RUSF1: variants seen among roughly 807,000 people sequenced by gnomAD.
The protein encoded by RUSF1 is RUS1 family protein C16orf58.
Under a neutral mutation model 63.0 loss-of-function variants are expected in RUSF1, and 58 were observed. The ratio of observed to expected loss-of-function variants is 0.92; its 90% CI spans 0.75 to 1.15. The LOEUF is 1.15. Among genes scored for constraint, RUSF1 ranks in the 50% most tolerant of loss-of-function variants. The pLI is 0.00. For synonymous variants in RUSF1, 274 were observed against 255.8 expected, an observed-to-expected ratio of 1.07 and a Z score of -0.68; for missense variants, 652 against 611.0, an observed-to-expected ratio of 1.07 and a Z score of -0.71.
chr16:31,490,354 G>A lies in RUSF1; in HGVS notation c.*481C>T. The stretch of plus-strand genomic sequence containing the variant: ...AGCCTCTTCCGCCAGTGCCTGCTCT[G>A]GTTTTGTGGAATGAGCAGAGGTGGG... On this transcript the variant is annotated 3_prime_UTR_variant, in exon 13 of 13. Coordinates refer to ENST00000327237, the MANE Select transcript of RUSF1 (RefSeq NM_022744.4). The A allele has an allele frequency of 6.2e-7, 1 of 1,613,060 alleles. No individual in the cohort carries two copies. The highest frequency in any genetic ancestry group is 2.2e-5 in the East Asian group (1 of 44,864).
In RUSF1 at chr16:31,502,881, C is replaced by T. The variant is rs563866686; in HGVS notation, c.416-2150G>A. Among the ~76,000 whole-genome samples, 19 of 152,382 alleles carry T rather than the reference C, an allele frequency of 1.2e-4. No individual in the cohort carries two copies. The South Asian group carries it at 3.7e-3, about 30-fold the overall frequency. On this transcript the variant is annotated intron_variant, in intron 2 of 12. Coordinates refer to ENST00000327237, the MANE Select transcript of RUSF1 (RefSeq NM_022744.4). ...CTGACCTCAGGTGATCCACCCGCCT[C>T]GGCCTTCCGAAGTGTTGGGATTATA...
At chr16:31,507,272 G>A (rs1283117971) in intron 2 of RUSF1, among the ~76,000 whole-genome samples, 5 of 152,096 alleles carry the variant, frequency 3.3e-5, no homozygotes, top group African/African-American at 1.2e-4. Context: ...TTTTTTAAAA[G>A]CTGTACATAT....
In RUSF1 at chr16:31,492,191, A is replaced by G; in HGVS notation, c.1231+6T>C. 1 of 1,610,048 alleles carries G rather than the reference A, an allele frequency of 6.2e-7. No individual in the cohort carries two copies. Among genetic ancestry groups the G allele is most frequent in the Non-Finnish European group, 8.5e-7 (1 of 1,177,378 alleles). On this transcript the variant is annotated splice_donor_region_variant and intron_variant, in intron 11 of 12. Coordinates refer to ENST00000327237, the MANE Select transcript of RUSF1 (RefSeq NM_022744.4). ...GCATCAGCAGTCTAAATCTTGAGGC[A>G]CTTACCTGCCCGCACCCGGTTCCTC...
rs2082672456 is a variant in RUSF1, at chr16:31,508,197, T to C, written c.177A>G (p.Glu59=). ...TVKPEGRDAG[E]VGASGAPSPP... The stretch of plus-strand genomic sequence containing the variant: ...GTGAGGGGGCCCCGGAAGCCCCCAC[T>C]TCGCCCGCATCTCGTCCTTCAGGTT... Residue 59 remains glutamate (E), a synonymous_variant, in exon 1 of 13, where the codon GAA becomes GAG. Transcript: ENST00000327237. 2 of 1,566,108 alleles carry C rather than the reference T, an allele frequency of 1.3e-6. No individual in the cohort carries two copies. Among genetic ancestry groups the C allele is most frequent in the Non-Finnish European group, 8.6e-7 (1 of 1,156,212 alleles).
At chr16:31,507,030 A>C (rs1231210947) in intron 2 of RUSF1, among the ~76,000 whole-genome samples, 2 of 152,240 alleles carry the variant, frequency 1.3e-5, no homozygotes, top group African/African-American at 4.8e-5. Context: ...AGGTTGGCTC[A>C]AATGTAATTG....
rs776678790 is a variant in RUSF1, at chr16:31,508,142, G to A, written c.232C>T (p.Leu78=). The change falls in exon 1 of 13, where the codon CTG becomes TTG. Residue 78 remains leucine, a synonymous_variant. Transcript: ENST00000327237. ...ACGCTATCAGGGAAGCCCTGAGGCA[G>A]GAACACGGCCTGGAGCCCGGAGAGG... ...PPLSGLQAVF[L]PQGFPDSVSP... 3 of 1,596,740 alleles carry A rather than the reference G, an allele frequency of 1.9e-6. No individual in the cohort carries two copies. Among genetic ancestry groups the A allele is most frequent in the Non-Finnish European group, 1.7e-6 (2 of 1,172,478 alleles).
chr16:31,489,925 A>G lies in RUSF1; in HGVS notation c.*910T>C. 1 of 780,998 alleles carries G rather than the reference A, an allele frequency of 1.3e-6. No individual in the cohort carries two copies. The allele number at this position is 780,998 out of a possible 1,614,324, so 48.4% of individuals were successfully genotyped here. On this transcript the variant is annotated 3_prime_UTR_variant, in exon 13 of 13. Transcript: ENST00000327237. ...ACACAAGCTCAGGGGCTTGGGGTTTATCCCGAGGGCACAGGGCAGCCATGT... is the reference window on the plus strand; with the variant it reads ...ACACAAGCTCAGGGGCTTGGGGTTTGTCCCGAGGGCACAGGGCAGCCATGT...
chr16:31,499,938 A>G (rs185227766), intron 3 of RUSF1, among the ~76,000 whole-genome samples: 2 of 152,220 alleles, frequency 1.3e-5, no homozygotes, highest in East Asian at 3.9e-4. Context: ...CCTGCATGTT[A>G]CAGACAACTA....
chr16:31,489,683 A>C lies in RUSF1; in HGVS notation c.*1152T>G, dbSNP rs1596622150. 1 of 470,954 alleles carries C rather than the reference A, an allele frequency of 2.1e-6. No individual in the cohort carries two copies. The highest frequency in any genetic ancestry group is 4.3e-5 in the East Asian group (1 of 23,378). 29.2% of individuals were successfully genotyped at this position (470,954 alleles called of 1,614,324 possible). On this transcript the variant is annotated 3_prime_UTR_variant, in exon 13 of 13. Coordinates refer to ENST00000327237, the MANE Select transcript of RUSF1 (RefSeq NM_022744.4). ...TTGTTGCCAAAGGGCAGGTGGCTCC[A>C]GGCAGGGCTGATGGTGGCAGGGTGG...
chr16:31,499,354 G>A lies in RUSF1; in HGVS notation c.548C>T (p.Pro183Leu). The change falls in exon 5 of 13, where the codon CCT becomes CTT. Residue 183 changes from proline (P) to leucine (L), a missense_variant. By Grantham distance (98) the Pro-to-Leu change is moderately conservative (BLOSUM62 -3). Transcript: ENST00000327237. ...CATGGTGAAACAGATTGGGTATACAGGAGCCATAATCTCAAGGAACATGGC... is the reference window on the plus strand; with the variant it reads ...CATGGTGAAACAGATTGGGTATACAAGAGCCATAATCTCAAGGAACATGGC... ...DVAMFLEIMA[P>L]VYPICFTMTV... is the part of the protein sequence containing the mutation. 1 of 1,613,982 alleles carries A rather than the reference G, an allele frequency of 6.2e-7. No homozygotes were observed. Among genetic ancestry groups the A allele is most frequent in the Non-Finnish European group, 8.5e-7 (1 of 1,179,886 alleles).
intron 2 of RUSF1, among the ~76,000 whole-genome samples, chr16:31,501,546 A>G (rs947307168): frequency 6.6e-5 from 10 of 151,308 alleles, no homozygotes; most frequent in African/African-American, 1.7e-4. Flanking sequence ...GTGAGCTATG[A>G]TCATGTCACT....
chr16:31,508,101 C>A lies in RUSF1; in HGVS notation c.273G>T (p.Leu91Phe). 6.2e-7 allele frequency: 1 copy of A among 1,605,676 alleles called. No homozygotes were observed. Among genetic ancestry groups the A allele is most frequent in the Non-Finnish European group, 8.5e-7 (1 of 1,176,596 alleles). The change falls in exon 1 of 13, where the codon TTG becomes TTT. Residue 91 changes from leucine to phenylalanine, a missense_variant. Coordinates refer to ENST00000327237, the MANE Select transcript of RUSF1 (RefSeq NM_022744.4). ...GFPDSVSPDY[L>F]PYQLWDSVQA... is the part of the protein sequence containing the mutation. Reference sequence around the variant, plus strand: ...GCACGGAATCCCACAGCTGGTAGGGCAAGTAGTCCGGGCTGACGCTATCAG... The same window carrying A: ...GCACGGAATCCCACAGCTGGTAGGGAAAGTAGTCCGGGCTGACGCTATCAG...
intron 2 of RUSF1, among the ~76,000 whole-genome samples, chr16:31,503,482 T>C (rs529538436): frequency 1.3e-5 from 2 of 152,304 alleles, no homozygotes; most frequent in Admixed American, 6.5e-5. Flanking sequence ...CAAGTTTTAT[T>C]ACTATTGCTA....
chr16:31,490,385 C>A lies in RUSF1; in HGVS notation c.*450G>T. On this transcript the variant is annotated 3_prime_UTR_variant, in exon 13 of 13. Transcript: ENST00000327237. ...GTGGAATGAGCAGAGGTGGGGTGGGCAGTCCTCCGCCCCTTACCCAGGAGG... is the reference window on the plus strand; with the variant it reads ...GTGGAATGAGCAGAGGTGGGGTGGGAAGTCCTCCGCCCCTTACCCAGGAGG... 1 of 1,613,144 alleles carries A rather than the reference C, an allele frequency of 6.2e-7. No homozygotes were observed. Among genetic ancestry groups the A allele is most frequent in the African/African-American group, 1.3e-5 (1 of 75,056 alleles).
intron 12 of RUSF1, among the ~76,000 whole-genome samples, chr16:31,491,300 A>C (rs1327627325): frequency 1.3e-5 from 2 of 151,986 alleles, no homozygotes; most frequent in African/African-American, 4.8e-5. Flanking sequence ...ACTGAGTCCC[A>C]AACTTAGGAT....
At position 31,489,757 on chromosome 16, in the gene RUSF1, T is replaced by TGCA; in HGVS notation, c.*1075_*1077dup. On this transcript the variant is annotated 3_prime_UTR_variant, in exon 13 of 13. Coordinates refer to ENST00000327237, the MANE Select transcript of RUSF1 (RefSeq NM_022744.4). ...GGGTGTGGAAGGATGGCCGGGTTTCTGCAGCAGCAGGAGGAAAGGGTGGGA... is the reference window on the plus strand; with the variant it reads ...GGGTGTGGAAGGATGGCCGGGTTTCTGCAGCAGCAGCAGGAGGAAAGGGTGGGA... 2.2e-6 allele frequency: 1 copy of TGCA among 445,250 alleles called. No individual in the cohort carries two copies. Among genetic ancestry groups the TGCA allele is most frequent in the South Asian group, 2.1e-5 (1 of 47,910 alleles). 27.6% of individuals were successfully genotyped at this position (445,250 alleles called of 1,614,324 possible). A position where few individuals can be genotyped will look rare whatever the true frequency, so the allele number is the denominator to read the frequency against.
chr16:31,501,825 G>C (rs1296264862), intron 2 of RUSF1, among the ~76,000 whole-genome samples: 1 of 152,114 alleles, frequency 6.6e-6, no homozygotes, highest in Non-Finnish European at 1.5e-5. Flanking sequence ...AATCAGTATA[G>C]AAAACACTGA....
At chr16:31,495,389 T>A (rs2082596810) in intron 6 of RUSF1, among the ~76,000 whole-genome samples, 1 of 152,140 alleles carries the variant, frequency 6.6e-6, no homozygotes, top group African/African-American at 2.4e-5. Flanking sequence ...GGAGCTCCTC[T>A]CTCCCAGGTG....
At chr16:31,495,335 G>A (rs2082596380) in intron 6 of RUSF1, among the ~76,000 whole-genome samples, 1 of 152,204 alleles carries the variant, frequency 6.6e-6, no homozygotes, top group African/African-American at 2.4e-5. Context: ...AATAAACGCT[G>A]TGGGTGTGGC....
Sources: gnomAD v4.1 joint callset for allele counts (sites outside exome capture counted in the v4.1 genomes callset) on GRCh38, gnomAD v4.1.1 for gene constraint, MANE v1.5 for transcripts, NCBI Gene and HGNC (gene_info 2026-07-23, HGNC 2026-07-21) for gene names.